CDC14B: variants seen among roughly 807,000 people sequenced by gnomAD.
CDC14B encodes the protein cell division cycle 14B.
In CDC14B, 22 loss-of-function variants were observed where a neutral mutation model predicts 64.2. That is an observed-to-expected ratio of 0.34 (90% CI 0.24 to 0.49). CDC14B has a LOEUF of 0.49. Among genes scored for constraint, CDC14B ranks in the 20% least tolerant of loss-of-function variants. CDC14B has a pLI of 0.99. For synonymous variants in CDC14B, 191 were observed against 215.8 expected (o/e 0.89, Z 1.01); for missense variants, 498 against 629.9 (o/e 0.79, Z 2.24).
rs1279339849 is a variant in CDC14B, at chr9:96,578,522, T to C, written c.161-13039A>G. Among the ~76,000 whole-genome samples, 6 of 152,230 alleles carry C rather than the reference T, an allele frequency of 3.9e-5. No homozygotes were observed. The East Asian group carries it at 1.2e-3, about 29-fold the overall frequency. Reference sequence around the variant, plus strand: ...CTGACAAGATGTGATAGAAGGGCACTTCACCTTCTGTGGTATTCATGCCAA... The same window carrying C: ...CTGACAAGATGTGATAGAAGGGCACCTCACCTTCTGTGGTATTCATGCCAA... On this transcript the variant is annotated intron_variant, in intron 1 of 13. Transcript: ENST00000375241.
intron 1 of CDC14B, chr9:96,567,066 C>G (rs770247367): frequency 2.4e-5 from 25 of 1,040,368 alleles, no homozygotes; most frequent in Non-Finnish European, 2.5e-5. Flanking sequence ...CCCCACCTCC[C>G]GCTTTCTTTC....
At chr9:96,554,666 C>G (rs557552984) in intron 4 of CDC14B, among the ~76,000 whole-genome samples, 18 of 152,266 alleles carry the variant, frequency 1.2e-4, no homozygotes, top group African/African-American at 4.3e-4. Context: ...ACTAGATAAA[C>G]TGAAGGAAGT....
At chr9:96,565,843 A>T (rs1013384772) in intron 1 of CDC14B, among the ~76,000 whole-genome samples, 12 of 152,256 alleles carry the variant, frequency 7.9e-5, no homozygotes, top group African/African-American at 2.7e-4. Context: ...AAGTTTCTAG[A>T]TGAATTTCAC....
chr9:96,567,120 G>C, intron 1 of CDC14B: 1 of 615,530 alleles, frequency 1.6e-6, no homozygotes, highest in Non-Finnish European at 2.6e-6. Context: ...TGGGAACGCG[G>C]GGCGGCCTGT....
chr9:96,540,043 G>C (rs1430992845), intron 6 of CDC14B, among the ~76,000 whole-genome samples: 1 of 152,132 alleles, frequency 6.6e-6, no homozygotes, highest in Non-Finnish European at 1.5e-5. Flanking sequence ...ATTTTATATA[G>C]TTATTTAAAC....
intron 11 of CDC14B, 67 bp downstream of exon 11, chr9:96,523,194 A>G: frequency 6.6e-7 from 1 of 1,523,332 alleles, no homozygotes; most frequent in Non-Finnish European, 9.0e-7. Context: ...GGTTTTCTCC[A>G]TACCCTGACA....
chr9:96,515,927 A>AG lies in CDC14B; in HGVS notation c.1344-6139dup. 3.0e-6 allele frequency: 2 copies of AG among 676,096 alleles called. No homozygotes were observed. The highest frequency in any genetic ancestry group is 4.7e-6 in the Non-Finnish European group (2 of 428,772). The allele number at this position is 676,096 out of a possible 1,614,324, so 41.9% of individuals were successfully genotyped here. On this transcript the variant is annotated intron_variant, in intron 12 of 13. Transcript: ENST00000375241. This position sits in a 1 kb window ranked among gnomAD's most constrained non-coding sequence, Gnocchi z 4.3. Reference sequence around the variant, plus strand: ...CCAGCCAACAGCAACAGGGATACAAAGGGGTGGTCAACAAGGATGGAGTTT... The same window carrying AG: ...CCAGCCAACAGCAACAGGGATACAAAGGGGGTGGTCAACAAGGATGGAGTTT...
intron 12 of CDC14B, among the ~76,000 whole-genome samples, chr9:96,512,230 T>C (rs1284773358): frequency 6.7e-6 from 1 of 149,646 alleles, no homozygotes; most frequent in South Asian, 2.1e-4. Flanking sequence ...AAAAGAAGAG[T>C]GTATATGCAT....
intron 1 of CDC14B, among the ~76,000 whole-genome samples, chr9:96,575,300 C>T (rs143496546): frequency 3.2e-4 from 48 of 152,284 alleles, no homozygotes; most frequent in African/African-American, 1.1e-3. Flanking sequence ...CACAGATAAA[C>T]CAAGCCTGGT....
intron 12 of CDC14B, among the ~76,000 whole-genome samples, chr9:96,511,703 C>A (rs751852907): frequency 1.2e-4 from 19 of 152,212 alleles, no homozygotes; most frequent in Non-Finnish European, 2.5e-4. Context: ...AGCTTTCTGT[C>A]TCACAGAGGG....
intron 9 of CDC14B, among the ~76,000 whole-genome samples, chr9:96,529,805 T>G (rs1838156293): frequency 6.6e-6 from 1 of 152,136 alleles, no homozygotes; most frequent in Admixed American, 6.5e-5. Context: ...GTATGAAGTT[T>G]TAAACCAGGA....
intron 12 of CDC14B, among the ~76,000 whole-genome samples, chr9:96,511,585 G>A (rs1834913837): frequency 6.6e-6 from 1 of 152,150 alleles, no homozygotes; most frequent in Non-Finnish European, 1.5e-5. Context: ...GCATAACCTG[G>A]AGCTTGTCTG....
chr9:96,604,817 C>T (rs1375204622), intron 1 of CDC14B, among the ~76,000 whole-genome samples: 1 of 152,106 alleles, frequency 6.6e-6, no homozygotes, highest in Non-Finnish European at 1.5e-5. Flanking sequence ...TATAGGCATG[C>T]ACCACCATGC....
intron 1 of CDC14B, among the ~76,000 whole-genome samples, chr9:96,570,166 T>C (rs1844386687): frequency 6.6e-6 from 1 of 152,222 alleles, no homozygotes; most frequent in Non-Finnish European, 1.5e-5. Context: ...TGATTTGACT[T>C]TTGGGCCTCC....
chr9:96,534,791 G>C lies in CDC14B; in HGVS notation c.628-249C>G, dbSNP rs368390288. Among the ~76,000 whole-genome samples, 38 of 152,342 alleles carry C rather than the reference G, an allele frequency of 2.5e-4. 1 individual carries two copies. The South Asian group carries it at 7.9e-3, about 32-fold the overall frequency. ...CTAGGGTATCAGCCCTTGGAATACA[G>C]AGCTGACTGCTGCCATACAAATATA... On this transcript the variant is annotated intron_variant, in intron 7 of 13. Coordinates refer to ENST00000375241, the MANE Select transcript of CDC14B (RefSeq NM_033331.4).
chr9:96,613,011 A>G (rs893784395), intron 1 of CDC14B, among the ~76,000 whole-genome samples: 3 of 152,226 alleles, frequency 2.0e-5, no homozygotes, highest in Admixed American at 1.3e-4. Context: ...GTAGCACAGG[A>G]CTAACTAGGA....
At chr9:96,493,771 A>G (rs10991369) in intron 13 of CDC14B, among the ~76,000 whole-genome samples, 36,610 of 152,086 alleles carry the variant, frequency 0.24, 5,627 homozygotes, top group African/African-American at 0.44. Flanking sequence ...GTTACAGTGA[A>G]CTATGATCAT....
Position 96,551,798 on chromosome 9 carries a change from G to T in CDC14B, c.495C>A (p.Phe165Leu). ...TACCACATCATTCTTATATTTACCT[G>T]AAAGGAATATAGGATGTCTCTCCAA... ...LIFGETSYIP[F>L]RDAAYGSCNF... Residue 165 changes from phenylalanine to leucine, a missense_variant and splice_region_variant, in exon 5 of 14, where the codon TTC becomes TTA. Physicochemically the swap from Phe to Leu is conservative, Grantham distance 22 (BLOSUM62 0). Transcript: ENST00000375241. 2 of 1,608,878 alleles carry T rather than the reference G, an allele frequency of 1.2e-6. No homozygotes were observed. Among genetic ancestry groups the T allele is most frequent in the South Asian group, 1.1e-5 (1 of 90,048 alleles).
At chr9:96,556,357 ACTCT>A (rs1019449648) in intron 4 of CDC14B, among the ~76,000 whole-genome samples, 1 of 151,906 alleles carries the variant, frequency 6.6e-6, no homozygotes, top group Non-Finnish European at 1.5e-5. Context: ...AAAAAAAATC[ACTCT>A]CTCCAGATTA....
Sources: allele counts gnomAD v4.1 joint callset (sites outside exome capture counted in the v4.1 genomes callset), GRCh38; gene constraint gnomAD v4.1.1; non-coding constraint Gnocchi (gnomAD v3.1); transcripts MANE v1.5; gene names NCBI Gene and HGNC (gene_info 2026-07-23, HGNC 2026-07-21).